Variants in SCAF1 observed in about 807,000 individuals in gnomAD.
The protein encoded by SCAF1 is SR-related CTD associated factor 1, also known as splicing factor, arginine/serine-rich 19.
In SCAF1, 28 loss-of-function variants were observed where a neutral mutation model predicts 91.2. The observed-to-expected ratio is 0.31, with a 90% CI of 0.23 to 0.42. The LOEUF (loss-of-function observed/expected upper bound fraction) is 0.42, where lower values mean the gene tolerates loss of function less well. SCAF1 is among the 10% of genes least tolerant of loss of function. SCAF1 has a pLI of 1.00. For missense variants in SCAF1, 1,893 were observed against 1,872.1 expected (o/e 1.01, Z -0.21); for synonymous variants, 1,036 against 833.7 (o/e 1.24, Z -4.18).
chr19:49,644,405 T>C (rs1029088083), intron 1 of SCAF1, among the ~76,000 whole-genome samples: 6 of 152,156 alleles, frequency 3.9e-5, no homozygotes, highest in Admixed American at 3.3e-4. Context: ...CTTTCTGAAG[T>C]TTAGCGTTTT....
chr19:49,653,346 C>T lies in SCAF1; in HGVS notation c.2957C>T (p.Pro986Leu), dbSNP rs1387708110. The change falls in exon 7 of 11, where the codon CCT becomes CTT. Residue 986 changes from proline to leucine, a missense_variant. Pro to Leu is a moderately conservative substitution (Grantham distance 98). Around this residue, in one of 5 missense-constraint regions of SCAF1, gnomAD observed 1,436 missense variants for 1,306.8 expected, o/e 1.10. Coordinates refer to ENST00000360565, the MANE Select transcript of SCAF1 (RefSeq NM_021228.3). ...CCCCCCAAGGCAGCCCCACCACCCC[C>T]TGCCCTCACTCCGGACTCGCAGACC... ...TPPPKAAPPPPALTPDSQTVD... is the reference protein window; with the variant it reads ...TPPPKAAPPPLALTPDSQTVD... 3 of 1,481,804 alleles carry T rather than the reference C, an allele frequency of 2.0e-6. No individual in the cohort carries two copies. The highest frequency in any genetic ancestry group is 1.4e-5 in the South Asian group (1 of 71,972). 91.8% of individuals were successfully genotyped at this position (1,481,804 alleles called of 1,614,324 possible).
chr19:49,653,783 G>C, intron 7 of SCAF1, 78 bp downstream of exon 7: 1 of 1,346,082 alleles, frequency 7.4e-7, no homozygotes, highest in Non-Finnish European at 9.8e-7. Flanking sequence ...CTTAGAGGCA[G>C]TGGGGTGCCC....
intron 6 of SCAF1, among the ~76,000 whole-genome samples, chr19:49,649,070 C>G (rs1335680028): frequency 6.6e-6 from 1 of 151,932 alleles, no homozygotes; most frequent in African/African-American, 2.4e-5. Flanking sequence ...AGGTGGTATG[C>G]TGGATTTGAC....
rs781615296 is a variant in SCAF1, at chr19:49,652,435, C to T, written c.2046C>T (p.Arg682=). The change falls in exon 7 of 11, where the codon CGC becomes CGT. Residue 682 remains arginine, a synonymous_variant. Coordinates refer to ENST00000360565, the MANE Select transcript of SCAF1 (RefSeq NM_021228.3). Reference sequence around the variant, plus strand: ...CGTGTGGTGACCGCGACAGCCGCCGCCGGGGGGCCGTGCCACCCTCCATCC... The same window carrying T: ...CGTGTGGTGACCGCGACAGCCGCCGTCGGGGGGCCGTGCCACCCTCCATCC... ...STSCGDRDSR[R]RGAVPPSIQD... The T allele has an allele frequency of 6.2e-7, 1 of 1,600,452 alleles. No homozygotes were observed. Among genetic ancestry groups the T allele is most frequent in the South Asian group, 1.1e-5 (1 of 90,240 alleles).
At position 49,653,593 on chromosome 19, in the gene SCAF1, G is replaced by A. The variant is rs11538798; in HGVS notation, c.3204G>A (p.Ser1068=). 733 of 1,584,218 alleles carry A rather than the reference G, an allele frequency of 4.6e-4. 6 individuals are homozygous for A. Among genetic ancestry groups the A allele is most frequent in the African/African-American group, 6.2e-4 (46 of 74,716 alleles). The change falls in exon 7 of 11, where the codon TCG becomes TCA. Residue 1068 remains serine (S), a synonymous_variant. Coordinates refer to ENST00000360565, the MANE Select transcript of SCAF1 (RefSeq NM_021228.3). ...GCGCGGGGTCCACAGCCGGTGACTC[G>A]GGGGCGGAGGACGGGCCAGCTTCCC... The part of the protein sequence containing the change: ...APSAGSTAGD[S]GAEDGPASRV...
chr19:49,656,954 A>G (rs914189220), intron 9 of SCAF1, among the ~76,000 whole-genome samples: 2 of 152,174 alleles, frequency 1.3e-5, no homozygotes, highest in African/African-American at 4.8e-5. Flanking sequence ...CAGGAGTTCA[A>G]GATCAGCTTG....
chr19:49,658,319 C>T lies in SCAF1; in HGVS notation c.3859C>T (p.Pro1287Ser), dbSNP rs2081159807. ...CAAGCACGGTCGCAAGCCAGGGGAC[C>T]CCCCAGGGCCCCCACGGCCGCCCAA... The part of the protein sequence containing the change: ...FRKHGRKPGD[P>S]PGPPRPPKEP... Residue 1287 changes from proline to serine, a missense_variant, in exon 11 of 11, where the codon CCC (proline) becomes TCC (serine). Pro to Ser is a moderately conservative substitution (Grantham distance 74, BLOSUM62 -1). This residue lies in a region of SCAF1 where 51 missense variants were observed against 49.9 expected (regional missense o/e 1.02). Transcript: ENST00000360565. The T allele has an allele frequency of 6.2e-7, 1 of 1,600,268 alleles. No individual in the cohort carries two copies. Among genetic ancestry groups the T allele is most frequent in the Non-Finnish European group, 8.5e-7 (1 of 1,174,370 alleles).
rs1568447581 is a variant in SCAF1 at position 49,658,292 on chromosome 19, C to T, written c.3832C>T (p.Arg1278Cys). 2 of 1,612,266 alleles carry T rather than the reference C, an allele frequency of 1.2e-6. No individual in the cohort carries two copies. Among genetic ancestry groups the T allele is most frequent in the Non-Finnish European group, 1.7e-6 (2 of 1,179,326 alleles). The change falls in exon 11 of 11, where the codon CGC (arginine) becomes TGC (cysteine). Residue 1278 changes from arginine to cysteine, a missense_variant. Transcript: ENST00000360565. ...CTACGTCCAGCGCTACCGCTACTTC[C>T]GCAAGCACGGTCGCAAGCCAGGGGA... ...RAYVQRYRYFRKHGRKPGDPP... is the reference protein window; with the variant it reads ...RAYVQRYRYFCKHGRKPGDPP...
intron 7 of SCAF1, 137 bp from the exon 8 acceptor site, chr19:49,654,212 C>T (rs1287692231): frequency 1.7e-5 from 12 of 708,280 alleles, no homozygotes; most frequent in Non-Finnish European, 7.2e-6. Flanking sequence ...CCCCCTTTTC[C>T]CAGTTCTGAG....
chr19:49,650,941 T>TGG lies in SCAF1; in HGVS notation c.553_554insGG (p.Ala185GlyfsTer127), dbSNP rs2081081889. The TGG allele has an allele frequency of 5.1e-6, 8 of 1,560,744 alleles. No individual in the cohort carries two copies. Among genetic ancestry groups the TGG allele is most frequent in the Non-Finnish European group, 7.0e-6 (8 of 1,142,176 alleles). ...CCTTGGGCACGGGAGACGGGGGCCC[T>TGG]GCCCCACCCCCTGCCCCCTCCTCTG... On this transcript the variant is annotated frameshift_variant, in exon 7 of 11. Coordinates refer to ENST00000360565, the MANE Select transcript of SCAF1 (RefSeq NM_021228.3). LOFTEE classifies it high-confidence loss of function.
Position 49,645,975 on chromosome 19 carries a change from G to A in SCAF1, c.167-133G>A, listed in dbSNP as rs1228687402. Reference sequence around the variant, plus strand: ...CTGGGAAGTCCTCCTGGGAGGTGGCGCATGGAGGCCTGGAGAGCATGCGGG... The same window carrying A: ...CTGGGAAGTCCTCCTGGGAGGTGGCACATGGAGGCCTGGAGAGCATGCGGG... On this transcript the variant is annotated intron_variant, in intron 3 of 10. Transcript: ENST00000360565. The surrounding 1 kb of genome is among the most constrained non-coding windows in gnomAD (Gnocchi z 4.6). 11 of 761,324 alleles carry A rather than the reference G, an allele frequency of 1.4e-5. No individual in the cohort carries two copies. Among genetic ancestry groups the A allele is most frequent in the East Asian group, 2.7e-5 (1 of 37,436 alleles). The allele number at this position is 761,324 out of a possible 1,614,324, so 47.2% of individuals were successfully genotyped here.
At position 49,651,710 on chromosome 19, in the gene SCAF1, C is replaced by G. The variant is rs1052619804; in HGVS notation, c.1321C>G (p.Pro441Ala). The change falls in exon 7 of 11, where the codon CCC becomes GCC. Residue 441 changes from proline (P) to alanine (A), a missense_variant. Pro to Ala is a conservative substitution (Grantham distance 27). Coordinates refer to ENST00000360565, the MANE Select transcript of SCAF1 (RefSeq NM_021228.3). The part of the protein sequence containing the change: ...PLPQPPAPRA[P>A]EGDDFLSLHA... Reference sequence around the variant, plus strand: ...TCCTCAGCCTCCCGCTCCGCGGGCCCCCGAGGGGGACGACTTCTTGTCCCT... The same window carrying G: ...TCCTCAGCCTCCCGCTCCGCGGGCCGCCGAGGGGGACGACTTCTTGTCCCT... The G allele has an allele frequency of 4.8e-5, 66 of 1,382,590 alleles. No homozygotes were observed. The East Asian group carries it at 1.1e-3, about 24-fold the overall frequency. 85.6% of individuals were successfully genotyped at this position (1,382,590 alleles called of 1,614,324 possible). A position where few individuals can be genotyped will look rare whatever the true frequency, so the allele number is the denominator to read the frequency against.
Position 49,646,553 on chromosome 19 carries a change from C to G in SCAF1, c.289C>G (p.Leu97Val), listed in dbSNP as rs1378362152. 6 of 1,613,920 alleles carry G rather than the reference C, an allele frequency of 3.7e-6. No homozygotes were observed. In the African/African-American group the frequency reaches 8.0e-5, roughly 22 times the overall value. Reference sequence around the variant, plus strand: ...GTTGGACATGGCCACGGACAGCTTCCTCGCAGGGCTGGTGAGTGTCCTGGA... The same window carrying G: ...GTTGGACATGGCCACGGACAGCTTCGTCGCAGGGCTGGTGAGTGTCCTGGA... ...TVLDMATDSF[L>V]AGLVSVLDPP... is the part of the protein sequence containing the mutation. Residue 97 changes from leucine (L) to valine (V), a missense_variant, in exon 5 of 11, where the codon CTC becomes GTC. Coordinates refer to ENST00000360565, the MANE Select transcript of SCAF1 (RefSeq NM_021228.3). The surrounding 1 kb of genome is among the most constrained non-coding windows in gnomAD (Gnocchi z 5.6).
intron 9 of SCAF1, 121 bp downstream of exon 9, chr19:49,654,991 G>T: frequency 2.6e-6 from 2 of 769,208 alleles, no homozygotes; most frequent in South Asian, 4.2e-5. Context: ...GGGCCGTAGA[G>T]ACCAAAGTCA....
Position 49,646,228 on chromosome 19 carries a change from C to T in SCAF1, c.261+26C>T. 1.3e-6 allele frequency: 2 copies of T among 1,579,906 alleles called. No individual in the cohort carries two copies. The highest frequency in any genetic ancestry group is 1.7e-6 in the Non-Finnish European group (2 of 1,161,164). On this transcript the variant is annotated intron_variant, in intron 4 of 10. Coordinates refer to ENST00000360565, the MANE Select transcript of SCAF1 (RefSeq NM_021228.3). This position sits in a 1 kb window ranked among gnomAD's most constrained non-coding sequence, Gnocchi z 5.6. ...GTGAGTAAGAAGAGGGGGCTGGGGG[C>T]CTGGCTCACGGGTATCAGGGAGGAA...
chr19:49,650,947 AC>A lies in SCAF1; in HGVS notation c.563del (p.Pro188LeufsTer123). 4 of 731,980 alleles carry A rather than the reference AC, an allele frequency of 5.5e-6. No homozygotes were observed. Among genetic ancestry groups the A allele is most frequent in the Admixed American group, 3.4e-5 (1 of 29,058 alleles). 45.3% of individuals were successfully genotyped at this position (731,980 alleles called of 1,614,324 possible). A position where few individuals can be genotyped will look rare whatever the true frequency, so the allele number is the denominator to read the frequency against. On this transcript the variant is annotated frameshift_variant, in exon 7 of 11. Coordinates refer to ENST00000360565, the MANE Select transcript of SCAF1 (RefSeq NM_021228.3). LOFTEE classifies it high-confidence loss of function. ...GCACGGGAGACGGGGGCCCTGCCCC[AC>A]CCCCTGCCCCCTCCTCTGCATCCTC... Reference protein sequence around the residue: ...LGTGDGGPAPPPAPSSASSSP... With the variant: ...LGTGDGGPAPXPAPSSASSSP...
upstream of SCAF1, among the ~76,000 whole-genome samples, chr19:49,641,456 A>G (rs1568438959): frequency 6.6e-6 from 1 of 152,114 alleles, no homozygotes; most frequent in Non-Finnish European, 1.5e-5. Flanking sequence ...AGCTGGGATT[A>G]CAGGCGTTAG....
intron 8 of SCAF1, 68 bp from the exon 9 acceptor site, chr19:49,654,584 G>T (rs1352333772): frequency 7.9e-6 from 11 of 1,397,476 alleles, no homozygotes; most frequent in African/African-American, 1.4e-5. Flanking sequence ...CGTGGGAACA[G>T]TGGGGTGCAC....
chr19:49,653,161 GA>G lies in SCAF1; in HGVS notation c.2777del (p.Lys926ArgfsTer17), dbSNP rs1224904290. On this transcript the variant is annotated frameshift_variant, in exon 7 of 11. Transcript: ENST00000360565. LOFTEE classifies it high-confidence loss of function. ...GAAAGACCAAGCCATCCAAGACCAG[GA>G]AAAAGGTCCGCAGTGGAGGTGGCAG... Reference protein sequence around the residue: ...KGKTKPSKTRKKVRSGGGSGG... With the variant: ...KGKTKPSKTRXKVRSGGGSGG... 6.9e-6 allele frequency: 11 copies of G among 1,601,462 alleles called. No individual in the cohort carries two copies. The highest frequency in any genetic ancestry group is 1.1e-5 in the South Asian group (1 of 89,546).
Sources: allele counts gnomAD v4.1 joint callset (sites outside exome capture counted in the v4.1 genomes callset), GRCh38; gene constraint gnomAD v4.1.1; regional missense constraint gnomAD v4.1.1; non-coding constraint Gnocchi (gnomAD v3.1); transcripts MANE v1.5; gene names NCBI Gene and HGNC (gene_info 2026-07-23, HGNC 2026-07-21).